BICC1: variants seen among roughly 807,000 people sequenced by gnomAD.
The protein encoded by BICC1 is BicC family RNA binding protein 1.
A neutral mutation model predicts 111.0 loss-of-function variants in BICC1; 43 were observed. The ratio of observed to expected loss-of-function variants is 0.39; its 90% CI spans 0.30 to 0.50. The LOEUF (loss-of-function observed/expected upper bound fraction) is 0.50. BICC1 is among the 20% of genes least tolerant of loss of function. BICC1 has a pLI of 0.88. For missense variants in BICC1, 1,091 were observed against 1,203.2 expected (o/e 0.91, Z 1.38); for synonymous variants, 467 against 434.4 (o/e 1.07, Z -0.93).
intron 3 of BICC1, among the ~76,000 whole-genome samples, chr10:58,755,125 T>C (rs1179198329): frequency 6.6e-6 from 1 of 152,000 alleles, no homozygotes; most frequent in Non-Finnish European, 1.5e-5. Flanking sequence ...TTTTCTTTGT[T>C]TTTTGTTTTC....
intron 2 of BICC1, among the ~76,000 whole-genome samples, chr10:58,669,472 G>C (rs1839116326): frequency 6.6e-6 from 1 of 152,020 alleles, no homozygotes; most frequent in South Asian, 2.1e-4. Context: ...TGAATTTTTA[G>C]TAAAATTTAA....
At chr10:58,571,142 G>A (rs528834375) in intron 1 of BICC1, among the ~76,000 whole-genome samples, 1 of 152,114 alleles carries the variant, frequency 6.6e-6, no homozygotes. Flanking sequence ...TAGACCGCAA[G>A]ATTTTAGAAA....
chr10:58,795,765 T>C (rs1564618308), intron 9 of BICC1, among the ~76,000 whole-genome samples: 1 of 152,196 alleles, frequency 6.6e-6, no homozygotes, highest in Admixed American at 6.5e-5. Flanking sequence ...TTTTTTACCA[T>C]AAGCTTTGCC....
intron 8 of BICC1, among the ~76,000 whole-genome samples, chr10:58,790,771 G>A (rs955731421): frequency 2.6e-5 from 4 of 152,210 alleles, no homozygotes; most frequent in African/African-American, 9.7e-5. Flanking sequence ...GTTGCAGTAA[G>A]CCCAGATGGC....
chr10:58,771,135 A>T (rs1209784559), intron 3 of BICC1, among the ~76,000 whole-genome samples: 1 of 152,216 alleles, frequency 6.6e-6, no homozygotes, highest in African/African-American at 2.4e-5. Context: ...GAGTGAGTTC[A>T]CAGAAGGACC....
At chr10:58,696,396 A>G (rs1171551272) in intron 2 of BICC1, among the ~76,000 whole-genome samples, 1 of 152,170 alleles carries the variant, frequency 6.6e-6, no homozygotes, top group Non-Finnish European at 1.5e-5. Context: ...ATATTTTAAA[A>G]TTGATATTCT....
chr10:58,818,042 A>G (rs1480532523), intron 19 of BICC1, among the ~76,000 whole-genome samples: 1 of 152,198 alleles, frequency 6.6e-6, no homozygotes, highest in African/African-American at 2.4e-5. Flanking sequence ...GTCAGCAACA[A>G]GTCTGTATTT....
At chr10:58,551,164 T>C (rs1843286099) in intron 1 of BICC1, among the ~76,000 whole-genome samples, 1 of 152,192 alleles carries the variant, frequency 6.6e-6, no homozygotes, top group Admixed American at 6.5e-5. Context: ...TGTTGTTCAC[T>C]GCTGTATCCC....
intron 1 of BICC1, among the ~76,000 whole-genome samples, chr10:58,543,097 C>T (rs1019490324): frequency 2.0e-5 from 3 of 151,986 alleles, no homozygotes; most frequent in Admixed American, 2.0e-4. Flanking sequence ...TTTCCAGTAG[C>T]TAAGAGGTGG....
upstream of BICC1, among the ~76,000 whole-genome samples, chr10:58,512,656 T>G (rs1025475827): frequency 6.6e-6 from 1 of 152,036 alleles, no homozygotes; most frequent in Non-Finnish European, 1.5e-5. Flanking sequence ...GCTATGAAAG[T>G]GCATGTATGG....
At chr10:58,585,703 T>A (rs1267945281) in intron 1 of BICC1, among the ~76,000 whole-genome samples, 1 of 152,200 alleles carries the variant, frequency 6.6e-6, no homozygotes, top group Non-Finnish European at 1.5e-5. Context: ...TGTTTTTTAG[T>A]GGAGTAATCA....
intron 3 of BICC1, among the ~76,000 whole-genome samples, chr10:58,717,558 A>G (rs902028509): frequency 6.6e-6 from 1 of 152,236 alleles, no homozygotes; most frequent in African/African-American, 2.4e-5. Context: ...AACTTCTTCT[A>G]TATAAGCACG....
At position 58,618,365 on chromosome 10, in the gene BICC1, C is replaced by T. The variant is rs140170869; in HGVS notation, c.191-2490C>T. Among the ~76,000 whole-genome samples the T allele has an allele frequency of 6.1e-3, 929 of 152,352 alleles. 14 individuals carry two copies. The highest frequency in any genetic ancestry group is 0.047 in the South Asian group (226 of 4,834). On this transcript the variant is annotated intron_variant, in intron 1 of 20. Coordinates refer to ENST00000373886, the MANE Select transcript of BICC1 (RefSeq NM_001080512.3). Reference sequence around the variant, plus strand: ...TTCCACTCCTTACATAACCACGTCACGTGAGGTGCATTAGGTGATCACCCA... The same window carrying T: ...TTCCACTCCTTACATAACCACGTCATGTGAGGTGCATTAGGTGATCACCCA...
chr10:58,824,190 T>C, intron 20 of BICC1: 2 of 680,504 alleles, frequency 2.9e-6, no homozygotes, highest in Non-Finnish European at 3.6e-6. Context: ...GCTCAGGGCA[T>C]TGACCTTTCC....
intron 1 of BICC1, among the ~76,000 whole-genome samples, chr10:58,550,210 C>T (rs1022254655): frequency 2.6e-5 from 4 of 151,900 alleles, no homozygotes; most frequent in South Asian, 2.1e-4. Flanking sequence ...TTTGTAGAGA[C>T]GGGGTTTTGC....
At chr10:58,800,359 G>A in intron 13 of BICC1, 33 bp downstream of exon 13, 2 of 1,600,558 alleles carry the variant, frequency 1.2e-6, no homozygotes. Context: ...AATTCATTTT[G>A]GTTGTTATTT....
intron 2 of BICC1, among the ~76,000 whole-genome samples, chr10:58,666,659 TG>T (rs1478792418): frequency 6.6e-6 from 1 of 152,130 alleles, no homozygotes; most frequent in Non-Finnish European, 1.5e-5. Flanking sequence ...TGTATGCTCT[TG>T]GGCAAGTTAC....
At chr10:58,522,371 C>A (rs2132520769) in intron 1 of BICC1, among the ~76,000 whole-genome samples, 1 of 152,216 alleles carries the variant, frequency 6.6e-6, no homozygotes, top group East Asian at 1.9e-4. Context: ...GACCACAGTG[C>A]AATCAAACTA....
intron 1 of BICC1, among the ~76,000 whole-genome samples, chr10:58,570,736 A>G (rs148637598): frequency 1.9e-3 from 286 of 152,292 alleles, no homozygotes; most frequent in Middle Eastern, 6.8e-3. Context: ...CAGGGAAGTT[A>G]TGTGCAAATA....
Sources: gnomAD v4.1 joint callset for allele counts (sites outside exome capture counted in the v4.1 genomes callset) on GRCh38, gnomAD v4.1.1 for gene constraint, MANE v1.5 for transcripts, NCBI Gene and HGNC (gene_info 2026-07-23, HGNC 2026-07-21) for gene names.